CGNL1: variants seen among roughly 807,000 people sequenced by gnomAD.
The protein encoded by CGNL1 is cingulin like 1.
Under a neutral mutation model 141.2 loss-of-function variants are expected in CGNL1, and 132 were observed. That is an observed-to-expected ratio of 0.93 (90% CI 0.81 to 1.08). The LOEUF is 1.08. CGNL1 is among the 50% of genes least tolerant of loss of function. The pLI is 0.00. For synonymous variants in CGNL1, 690 were observed against 622.1 expected (o/e 1.11, Z -1.63); for missense variants, 1,870 against 1,588.6 (o/e 1.18, Z -3.01).
chr15:57,514,292 C>T (rs2030590329), intron 8 of CGNL1, among the ~76,000 whole-genome samples: 1 of 152,074 alleles, frequency 6.6e-6, no homozygotes, highest in South Asian at 2.1e-4. Flanking sequence ...GCTGGGATTA[C>T]AGGTGTGCAC....
At chr15:57,434,538 A>G (rs1375264945) in intron 1 of CGNL1, among the ~76,000 whole-genome samples, 3 of 152,214 alleles carry the variant, frequency 2.0e-5, no homozygotes, top group Non-Finnish European at 4.4e-5. Context: ...ATGTTTTATA[A>G]AAGAGTCCAC....
intron 8 of CGNL1, among the ~76,000 whole-genome samples, chr15:57,502,826 T>C (rs2064044388): frequency 6.6e-6 from 1 of 152,198 alleles, no homozygotes; most frequent in Admixed American, 6.5e-5. Flanking sequence ...TTGGATTCTC[T>C]TCTCTGACAT....
At chr15:57,508,447 C>T (rs2029915140) in intron 8 of CGNL1, among the ~76,000 whole-genome samples, 1 of 152,188 alleles carries the variant, frequency 6.6e-6, no homozygotes, top group Admixed American at 6.5e-5. Flanking sequence ...CTTTACATTA[C>T]TAAAATAATT....
chr15:57,415,775 C>G (rs922830138), intron 1 of CGNL1, among the ~76,000 whole-genome samples: 37 of 152,340 alleles, frequency 2.4e-4, no homozygotes, highest in African/African-American at 7.5e-4. Flanking sequence ...GGAACCAAAG[C>G]CCCCAAGGGA....
intron 1 of CGNL1, among the ~76,000 whole-genome samples, chr15:57,434,243 A>T (rs1201680224): frequency 8.5e-5 from 13 of 152,222 alleles, no homozygotes; most frequent in Non-Finnish European, 1.5e-5. Flanking sequence ...GAGAACAAGA[A>T]AGAGCTATTG....
At chr15:57,448,464 C>T (rs570088561) in intron 4 of CGNL1, among the ~76,000 whole-genome samples, 5 of 152,144 alleles carry the variant, frequency 3.3e-5, no homozygotes, top group South Asian at 2.1e-4. Context: ...TCCTGGTCAA[C>T]ATGGTGAAAC....
At chr15:57,455,857 G>C (rs952736520) in intron 7 of CGNL1, among the ~76,000 whole-genome samples, 1 of 152,166 alleles carries the variant, frequency 6.6e-6, no homozygotes, top group Non-Finnish European at 1.5e-5. Context: ...GGCTGATAAT[G>C]CGAGATACAG....
intron 1 of CGNL1, among the ~76,000 whole-genome samples, chr15:57,378,236 CG>C (rs1396515770): frequency 1.3e-5 from 2 of 151,972 alleles, no homozygotes; most frequent in South Asian, 2.1e-4. Flanking sequence ...TGATAGTCTC[CG>C]GGGATCTTGG....
intron 10 of CGNL1, among the ~76,000 whole-genome samples, chr15:57,522,123 C>A (rs1280364): frequency 1.4e-3 from 219 of 152,264 alleles, no homozygotes; most frequent in African/African-American, 4.7e-3. Flanking sequence ...AATTCCCCCC[C>A]ACACTGAACT....
intron 1 of CGNL1, among the ~76,000 whole-genome samples, chr15:57,409,458 A>G (rs1433367933): frequency 6.6e-6 from 1 of 152,244 alleles, no homozygotes; most frequent in African/African-American, 2.4e-5. Context: ...AACAGGTTGG[A>G]GGAAAACAAG....
intron 1 of CGNL1, among the ~76,000 whole-genome samples, chr15:57,399,614 G>A (rs2062637640): frequency 6.8e-6 from 1 of 148,056 alleles, no homozygotes; most frequent in Non-Finnish European, 1.5e-5. Context: ...AAAGACACAA[G>A]AAATGGACAG....
chr15:57,526,479 TAAA>T (rs1236126142), intron 12 of CGNL1, among the ~76,000 whole-genome samples: 1 of 150,946 alleles, frequency 6.6e-6, no homozygotes. Context: ...AGATCTTGGT[TAAA>T]AAAAAACCCC....
intron 8 of CGNL1, among the ~76,000 whole-genome samples, chr15:57,512,412 A>G (rs1185723855): frequency 6.6e-6 from 1 of 152,116 alleles, no homozygotes; most frequent in Non-Finnish European, 1.5e-5. Flanking sequence ...AAAATGGGAG[A>G]GGACTTTTGG....
chr15:57,450,016 C>T (rs1278324503), intron 4 of CGNL1, among the ~76,000 whole-genome samples: 7 of 152,170 alleles, frequency 4.6e-5, no homozygotes, highest in Admixed American at 1.3e-4. Flanking sequence ...CTGCTTTAAA[C>T]GTTCACGTAC....
chr15:57,407,049 G>C (rs1373731286), intron 1 of CGNL1: 1 of 152,182 alleles, frequency 6.6e-6, no homozygotes, highest in East Asian at 1.9e-4. Context: ...GTAACTGTTG[G>C]ATCATCTGAT....
At chr15:57,380,866 A>C (rs1303538976) in intron 1 of CGNL1, among the ~76,000 whole-genome samples, 3 of 152,220 alleles carry the variant, frequency 2.0e-5, no homozygotes, top group Non-Finnish European at 2.9e-5. Context: ...AACAGAGCTG[A>C]AAGGAGAATG....
chr15:57,471,381 G>T (rs1484679589), intron 8 of CGNL1, among the ~76,000 whole-genome samples: 1 of 152,172 alleles, frequency 6.6e-6, no homozygotes, highest in African/African-American at 2.4e-5. Context: ...TAGGACACTG[G>T]GTAATTTTTA....
chr15:57,409,059 A>ACT (rs1170417032), intron 1 of CGNL1, among the ~76,000 whole-genome samples: 1 of 151,766 alleles, frequency 6.6e-6, no homozygotes, highest in Non-Finnish European at 1.5e-5. Context: ...ACACACACAC[A>ACT]CACACACACA....
intron 8 of CGNL1, among the ~76,000 whole-genome samples, chr15:57,489,637 G>C (rs1465429447): frequency 6.6e-6 from 1 of 152,146 alleles, no homozygotes; most frequent in Non-Finnish European, 1.5e-5. Flanking sequence ...GTAGATATTA[G>C]TTGTCCCATC....
Sources: gnomAD v4.1 joint callset for allele counts (sites outside exome capture counted in the v4.1 genomes callset) on GRCh38, gnomAD v4.1.1 for gene constraint, MANE v1.5 for transcripts, NCBI Gene and HGNC (gene_info 2026-07-23, HGNC 2026-07-21) for gene names.